Variants in CHODL observed in about 807,000 individuals in gnomAD.
CHODL encodes transmembrane protein MT75.
A neutral mutation model predicts 34.5 loss-of-function variants in CHODL; 29 were observed. That is an observed-to-expected ratio of 0.84 (90% CI 0.63 to 1.15). CHODL has a LOEUF of 1.15. Among genes scored for constraint, CHODL ranks in the 50% most tolerant of loss-of-function variants. CHODL has a pLI of 0.00. For synonymous variants in CHODL, 125 were observed against 116.1 expected (o/e 1.08, Z -0.49); for missense variants, 332 against 332.5 (o/e 1.00, Z 0.01).
chr21:18,078,166 T>A (rs962049270), intron 2 of CHODL, among the ~76,000 whole-genome samples: 2 of 152,110 alleles, frequency 1.3e-5, no homozygotes, highest in African/African-American at 4.8e-5. Flanking sequence ...TACCCAAGAC[T>A]GGGTAATGAG....
rs113963812 is a variant in CHODL, at chr21:18,015,279, A to G, written c.-144-12593A>G. Among the ~76,000 whole-genome samples the G allele has an allele frequency of 2.0e-5, 3 of 152,232 alleles. No individual in the cohort carries two copies. The South Asian group carries it at 6.2e-4, about 32-fold the overall frequency. Reference sequence around the variant, plus strand: ...GAGTTCTCAGGAGATCTGGTTGTTTAAAAGTGTGTAGCACTTCCCCCTTTG... The same window carrying G: ...GAGTTCTCAGGAGATCTGGTTGTTTGAAAGTGTGTAGCACTTCCCCCTTTG... On this transcript the variant is annotated intron_variant, in intron 1 of 6. Transcript: ENST00000400127.
At chr21:17,939,943 T>G (rs1483746342) in intron 1 of CHODL, among the ~76,000 whole-genome samples, 2 of 152,200 alleles carry the variant, frequency 1.3e-5, no homozygotes, top group Non-Finnish European at 2.9e-5. Context: ...TGCAACCACT[T>G]TGGCAAACAG....
At chr21:17,984,440 C>A (rs2063738110) in intron 1 of CHODL, among the ~76,000 whole-genome samples, 1 of 152,230 alleles carries the variant, frequency 6.6e-6, no homozygotes, top group East Asian at 1.9e-4. Flanking sequence ...TTTTTGAGAA[C>A]CTCCATTCCA....
At chr21:18,249,373 T>A (rs1325482716) in intron 1 of CHODL, among the ~76,000 whole-genome samples, 1 of 151,580 alleles carries the variant, frequency 6.6e-6, no homozygotes, top group Non-Finnish European at 1.5e-5. Flanking sequence ...TCAATTTGGA[T>A]CTAGTTTGTT....
chr21:18,222,683 T>G (rs2146741997), intron 2 of CHODL, among the ~76,000 whole-genome samples: 1 of 152,270 alleles, frequency 6.6e-6, no homozygotes, highest in Non-Finnish European at 1.5e-5. Flanking sequence ...TGCTGCAATC[T>G]TAAGCTTCTG....
intron 1 of CHODL, among the ~76,000 whole-genome samples, chr21:17,967,811 T>G (rs887108043): frequency 5.9e-5 from 9 of 152,126 alleles, no homozygotes; most frequent in Non-Finnish European, 1.2e-4. Flanking sequence ...ATCAACAGAT[T>G]CATGAAATGT....
At chr21:18,262,972 A>T (rs2074401179) in intron 5 of CHODL, 79 bp downstream of exon 5, 1 of 784,256 alleles carries the variant, frequency 1.3e-6, no homozygotes, top group East Asian at 2.5e-5. Flanking sequence ...TATTAGCATA[A>T]AGTTAATTAT....
intron 1 of CHODL, chr21:17,917,410 CT>C (rs1156808434): frequency 5.3e-5 from 8 of 152,134 alleles, no homozygotes; most frequent in African/African-American, 1.9e-4. Flanking sequence ...GGTAAGTCCC[CT>C]CTCACGTATT....
chr21:17,940,198 A>G (rs1271630335), intron 1 of CHODL, among the ~76,000 whole-genome samples: 1 of 152,204 alleles, frequency 6.6e-6, no homozygotes, highest in African/African-American at 2.4e-5. Flanking sequence ...TCTAGATAAA[A>G]ACCCAACTGC....
intron 1 of CHODL, among the ~76,000 whole-genome samples, chr21:17,937,104 G>A (rs1473528706): frequency 7.1e-6 from 1 of 141,422 alleles, no homozygotes; most frequent in Non-Finnish European, 1.6e-5. Flanking sequence ...AAAAAAATTA[G>A]GAGGAAGAGG....
At chr21:18,265,586 G>A (rs116477132) in intron 5 of CHODL, among the ~76,000 whole-genome samples, 6,566 of 152,052 alleles carry the variant, frequency 0.043, 470 homozygotes, top group African/African-American at 0.15. Flanking sequence ...TACTACTCAA[G>A]TGATGGGTGC....
chr21:18,194,007 A>C (rs2146696364), intron 2 of CHODL, among the ~76,000 whole-genome samples: 1 of 152,068 alleles, frequency 6.6e-6, no homozygotes, highest in Non-Finnish European at 1.5e-5. Flanking sequence ...AGTCCAATCC[A>C]ATCTACCTTT....
chr21:18,082,215 C>A (rs908661042), intron 2 of CHODL, among the ~76,000 whole-genome samples: 2 of 152,184 alleles, frequency 1.3e-5, no homozygotes, highest in Non-Finnish European at 2.9e-5. Context: ...CTCTTTCTCT[C>A]CTGCTATGCC....
At chr21:18,221,557 T>A (rs2073883765) in intron 2 of CHODL, among the ~76,000 whole-genome samples, 1 of 152,246 alleles carries the variant, frequency 6.6e-6, no homozygotes. Flanking sequence ...TCTCTTTCAA[T>A]CATCTCAATT....
chr21:18,071,063 C>T (rs953857608), intron 2 of CHODL, among the ~76,000 whole-genome samples: 1 of 151,040 alleles, frequency 6.6e-6, no homozygotes, highest in Non-Finnish European at 1.5e-5. Flanking sequence ...TATATTTTTT[C>T]AATTTTTACT....
chr21:18,014,315 A>T (rs1409174634), intron 1 of CHODL, among the ~76,000 whole-genome samples: 2 of 152,224 alleles, frequency 1.3e-5, no homozygotes, highest in Non-Finnish European at 2.9e-5. Flanking sequence ...GGATGAAATC[A>T]TGTCCTTCAC....
At chr21:18,025,729 C>T (rs919535906) in intron 1 of CHODL, among the ~76,000 whole-genome samples, 72 of 152,022 alleles carry the variant, frequency 4.7e-4, no homozygotes, top group East Asian at 5.8e-4. Flanking sequence ...TAGAAGGCTG[C>T]GATCAAAGTG....
intron 2 of CHODL, among the ~76,000 whole-genome samples, chr21:18,094,400 T>C (rs1478450362): frequency 6.6e-6 from 1 of 152,172 alleles, no homozygotes; most frequent in Non-Finnish European, 1.5e-5. Context: ...ATCCAATGGC[T>C]ACAGAATACA....
chr21:18,037,587 T>TAA (rs2146448755), intron 2 of CHODL, among the ~76,000 whole-genome samples: 1 of 151,856 alleles, frequency 6.6e-6, no homozygotes, highest in African/African-American at 2.4e-5. Context: ...ATGAGAAGTG[T>TAA]TAAGTGTGTA....
Sources: allele counts gnomAD v4.1 joint callset (sites outside exome capture counted in the v4.1 genomes callset), GRCh38; gene constraint gnomAD v4.1.1; transcripts MANE v1.5; gene names NCBI Gene and HGNC (gene_info 2026-07-23, HGNC 2026-07-21).